Variants in MSX2 observed in about 807,000 individuals in gnomAD.
MSX2 encodes msh homeobox 2.
Under a neutral mutation model 18.4 loss-of-function variants are expected in MSX2, and 10 were observed. The ratio of observed to expected loss-of-function variants is 0.54; its 90% CI spans 0.34 to 0.92. MSX2 has a LOEUF of 0.92. Ranked by LOEUF, MSX2 falls within the 40% of genes least tolerant of loss-of-function variation. MSX2 has a pLI of 0.02. For synonymous variants in MSX2, 170 were observed against 165.6 expected, an observed-to-expected ratio of 1.03 and a Z score of -0.20; for missense variants, 339 against 364.0, an observed-to-expected ratio of 0.93 and a Z score of 0.56.
intron 1 of MSX2, among the ~76,000 whole-genome samples, chr5:174,726,586 C>CA (rs34068914): frequency 0.59 from 55,032 of 93,206 alleles, 14,299 homozygotes; most frequent in East Asian, 0.66. Context: ...TGGGCCTGAC[C>CA]AAAAAAAAAA....
chr5:174,728,509 T>A (rs949872296), intron 1 of MSX2, among the ~76,000 whole-genome samples: 1 of 152,232 alleles, frequency 6.6e-6, no homozygotes, highest in Non-Finnish European at 1.5e-5. Flanking sequence ...ACGATTATCC[T>A]TCATAAATAT....
Position 174,729,467 on chromosome 5 carries a change from C to G in MSX2, c.688C>G (p.Leu230Val). 1 of 1,614,022 alleles carries G rather than the reference C, an allele frequency of 6.2e-7. No individual in the cohort carries two copies. Among genetic ancestry groups the G allele is most frequent in the South Asian group, 1.1e-5 (1 of 91,084 alleles). Reference protein sequence around the residue: ...FSLPFPISSPLQAASIYGASY... With the variant: ...FSLPFPISSPVQAASIYGASY... ...TCTCCCTTTCCCCATCAGCTCGCCCCTGCAGGCAGCGTCCATATATGGAGC... is the reference window on the plus strand; with the variant it reads ...TCTCCCTTTCCCCATCAGCTCGCCCGTGCAGGCAGCGTCCATATATGGAGC... The change falls in exon 2 of 2, where the codon CTG becomes GTG. Residue 230 changes from leucine (L) to valine (V), a missense_variant. Physicochemically the swap from Leu to Val is conservative, Grantham distance 32. Around this residue, in one of 2 missense-constraint regions of MSX2, gnomAD observed 128 missense variants for 178.6 expected, o/e 0.72. Coordinates refer to ENST00000239243, the MANE Select transcript of MSX2 (RefSeq NM_002449.5).
intron 1 of MSX2, among the ~76,000 whole-genome samples, chr5:174,726,019 C>T (rs759518852): frequency 6.6e-5 from 10 of 152,182 alleles, no homozygotes; most frequent in Non-Finnish European, 1.0e-4. Flanking sequence ...CGTCCTCTCC[C>T]CAGAGAGACT....
intron 1 of MSX2, among the ~76,000 whole-genome samples, chr5:174,726,557 CAG>C (rs1053070097): frequency 2.4e-5 from 3 of 126,546 alleles, no homozygotes; most frequent in African/African-American, 9.1e-5. Flanking sequence ...CAGCAAAGTT[CAG>C]AGAGGAATCG....
Position 174,729,146 on chromosome 5 carries a change from C to G in MSX2, c.380-13C>G. On this transcript the variant is annotated splice_polypyrimidine_tract_variant and intron_variant, in intron 1 of 1. Coordinates refer to ENST00000239243, the MANE Select transcript of MSX2 (RefSeq NM_002449.5). ...CTTTCTTTTGCTAATCCGCTCCTCT[C>G]TCTGTTCTCTAGGACATATGAGCCC... 3.1e-6 allele frequency: 5 copies of G among 1,613,248 alleles called. No homozygotes were observed. The highest frequency in any genetic ancestry group is 4.2e-6 in the Non-Finnish European group (5 of 1,179,332).
Position 174,724,887 on chromosome 5 carries a change from G to A in MSX2, c.228G>A (p.Leu76=), listed in dbSNP as rs999180495. 2 of 1,562,696 alleles carry A rather than the reference G, an allele frequency of 1.3e-6. No individual in the cohort carries two copies. Among genetic ancestry groups the A allele is most frequent in the African/African-American group, 2.7e-5 (2 of 74,182 alleles). The change falls in exon 1 of 2, where the codon CTG becomes CTA. Residue 76 remains leucine (L), a synonymous_variant. Transcript: ENST00000239243. The part of the protein sequence containing the change: ...PAESASAGAT[L]RPLLLSGHGA... The stretch of plus-strand genomic sequence containing the variant: ...AAAGCGCCTCGGCCGGGGCCACCCT[G>A]CGGCCACTGCTGCTGTCGGGGCACG...
In MSX2 at chr5:174,724,889, G is replaced by A; in HGVS notation, c.230G>A (p.Arg77Gln). ...AGCGCCTCGGCCGGGGCCACCCTGC[G>A]GCCACTGCTGCTGTCGGGGCACGGC... Reference protein sequence around the residue: ...AESASAGATLRPLLLSGHGAR... With the variant: ...AESASAGATLQPLLLSGHGAR... The change falls in exon 1 of 2, where the codon CGG becomes CAG. Residue 77 changes from arginine to glutamine, a missense_variant. By Grantham distance (43) the Arg-to-Gln change is conservative (BLOSUM62 1). Coordinates refer to ENST00000239243, the MANE Select transcript of MSX2 (RefSeq NM_002449.5). 2.6e-6 allele frequency: 4 copies of A among 1,564,046 alleles called. No individual in the cohort carries two copies. Among genetic ancestry groups the A allele is most frequent in the Non-Finnish European group, 3.5e-6 (4 of 1,155,014 alleles).
intron 1 of MSX2, among the ~76,000 whole-genome samples, chr5:174,728,513 T>G (rs1470801815): frequency 6.6e-6 from 1 of 152,232 alleles, no homozygotes; most frequent in African/African-American, 2.4e-5. Flanking sequence ...TTATCCTTCA[T>G]AAATATGCTG....
intron 1 of MSX2, among the ~76,000 whole-genome samples, chr5:174,727,431 C>T (rs1277931147): frequency 6.6e-6 from 1 of 152,070 alleles, no homozygotes; most frequent in African/African-American, 2.4e-5. Context: ...CCTGCCCAGG[C>T]GCACAGTGCT....
chr5:174,725,202 G>A, intron 1 of MSX2, 164 bp downstream of exon 1: 2 of 1,089,244 alleles, frequency 1.8e-6, no homozygotes, highest in African/African-American at 1.6e-5. Context: ...GGCGTTCGGC[G>A]CGCCCAGTGC....
chr5:174,724,916 C>T lies in MSX2; in HGVS notation c.257C>T (p.Ala86Val), dbSNP rs1760746913. Residue 86 changes from alanine (A) to valine (V), a missense_variant, in exon 1 of 2, where the codon GCT becomes GTT. Around this residue, in one of 2 missense-constraint regions of MSX2, gnomAD observed 211 missense variants for 185.4 expected, o/e 1.14. Transcript: ENST00000239243. ...CCACTGCTGCTGTCGGGGCACGGCG[C>T]TCGGGAAGCGCACAGCCCCGGGCCG... ...LRPLLLSGHG[A>V]REAHSPGPLV... 3 of 1,577,230 alleles carry T rather than the reference C, an allele frequency of 1.9e-6. No individual in the cohort carries two copies. Among genetic ancestry groups the T allele is most frequent in the African/African-American group, 1.3e-5 (1 of 74,828 alleles).
chr5:174,729,737 G>T lies in MSX2; in HGVS notation c.*154G>T. ...GCTGACAGGGCCACACGACATAGCTGAAATTTGTTCTGTAGGCGGAGGCAC... is the reference window on the plus strand; with the variant it reads ...GCTGACAGGGCCACACGACATAGCTTAAATTTGTTCTGTAGGCGGAGGCAC... On this transcript the variant is annotated 3_prime_UTR_variant, in exon 2 of 2. Coordinates refer to ENST00000239243, the MANE Select transcript of MSX2 (RefSeq NM_002449.5). The T allele has an allele frequency of 1.3e-6, 1 of 750,224 alleles. No individual in the cohort carries two copies. The allele number at this position is 750,224 out of a possible 1,614,324, so 46.5% of individuals were successfully genotyped here.
chr5:174,725,155 A>C, intron 1 of MSX2, 117 bp downstream of exon 1: 2 of 1,458,060 alleles, frequency 1.4e-6, no homozygotes, highest in Non-Finnish European at 9.1e-7. Context: ...ACTCCCGGGA[A>C]AGCAAGCCCA....
Position 174,729,198 on chromosome 5 carries a change from A to G in MSX2, c.419A>G (p.Lys140Arg). 3 of 1,614,118 alleles carry G rather than the reference A, an allele frequency of 1.9e-6. No homozygotes were observed. In the East Asian group the frequency reaches 6.7e-5, roughly 36 times the overall value. ...ACCACCTGCACCCTGAGGAAACACA[A>G]GACCAATCGGAAGCCGCGCACGCCC... ...SPTTCTLRKH[K>R]TNRKPRTPFT... The change falls in exon 2 of 2, where the codon AAG (lysine) becomes AGG (arginine). Residue 140 changes from lysine (K) to arginine (R), a missense_variant. Physicochemically the swap from Lys to Arg is conservative, Grantham distance 26. Coordinates refer to ENST00000239243, the MANE Select transcript of MSX2 (RefSeq NM_002449.5).
In MSX2 at chr5:174,724,681, A is replaced by C. The variant is rs1760735062; in HGVS notation, c.22A>C (p.Asn8His). The change falls in exon 1 of 2, where the codon AAT (asparagine) becomes CAT (histidine). Residue 8 changes from asparagine (N) to histidine (H), a missense_variant. This residue lies in a region of MSX2 where 211 missense variants were observed against 185.4 expected (regional missense o/e 1.14). Transcript: ENST00000239243. MASPSKG[N>H]DLFSPDEEGP... ...AGTCATGGCTTCTCCGTCCAAAGGC[A>C]ATGACTTGTTTTCGCCCGACGAGGA... is the stretch of plus-strand genomic sequence containing the variant. The C allele has an allele frequency of 1.3e-6, 2 of 1,594,992 alleles. No homozygotes were observed. The highest frequency in any genetic ancestry group is 1.7e-6 in the Non-Finnish European group (2 of 1,171,922).
intron 1 of MSX2, 142 bp from the exon 2 acceptor site, chr5:174,729,017 T>G: frequency 1.4e-6 from 1 of 690,596 alleles, no homozygotes; most frequent in Non-Finnish European, 2.5e-6. Flanking sequence ...ATATATAGAT[T>G]TTTTTAAAGC....
At position 174,730,109 on chromosome 5, in the gene MSX2, T is replaced by C. The variant is rs532200136; in HGVS notation, c.*526T>C. The C allele has an allele frequency of 6.6e-5, 10 of 152,324 alleles. No homozygotes were observed. The highest frequency in any genetic ancestry group is 2.2e-4 in the African/African-American group (9 of 41,552). The allele number at this position is 152,324 out of a possible 1,614,324, so 9.4% of individuals were successfully genotyped here. The stretch of plus-strand genomic sequence containing the variant: ...ACAGACACAATGCACACAGAAAATA[T>C]TAGATATGGAGAGATTATTCAAAGT... On this transcript the variant is annotated 3_prime_UTR_variant, in exon 2 of 2. Coordinates refer to ENST00000239243, the MANE Select transcript of MSX2 (RefSeq NM_002449.5).
At chr5:174,725,247 C>T (rs1174398494) in intron 1 of MSX2, among the ~76,000 whole-genome samples, 2 of 152,226 alleles carry the variant, frequency 1.3e-5, no homozygotes, top group African/African-American at 4.8e-5. Flanking sequence ...TGGGTAATAA[C>T]CGCGCTGTGT....
At position 174,729,381 on chromosome 5, in the gene MSX2, A is replaced by G. The variant is rs1375081991; in HGVS notation, c.602A>G (p.Gln201Arg). 1 of 1,614,224 alleles carries G rather than the reference A, an allele frequency of 6.2e-7. No individual in the cohort carries two copies. The highest frequency in any genetic ancestry group is 8.5e-7 in the Non-Finnish European group (1 of 1,180,040). The stretch of plus-strand genomic sequence containing the variant: ...CGAAGGGCCAAGGCGAAAAGACTGC[A>G]GGAGGCAGAACTGGAAAAGCTGAAA... Reference protein sequence around the residue: ...QNRRAKAKRLQEAELEKLKMA... With the variant: ...QNRRAKAKRLREAELEKLKMA... Residue 201 changes from glutamine to arginine, a missense_variant, in exon 2 of 2, where the codon CAG becomes CGG. This residue lies in a region of MSX2 where 128 missense variants were observed against 178.6 expected (regional missense o/e 0.72). Coordinates refer to ENST00000239243, the MANE Select transcript of MSX2 (RefSeq NM_002449.5).
Sources: allele counts gnomAD v4.1 joint callset (sites outside exome capture counted in the v4.1 genomes callset), GRCh38; gene constraint gnomAD v4.1.1; regional missense constraint gnomAD v4.1.1; transcripts MANE v1.5; gene names NCBI Gene and HGNC (gene_info 2026-07-23, HGNC 2026-07-21).